Variants in GOLM1 observed in about 807,000 individuals in gnomAD.
GOLM1 encodes the protein epididymis luminal protein 46.
In GOLM1, 31 loss-of-function variants were observed where a neutral mutation model predicts 50.5. The ratio of observed to expected loss-of-function variants is 0.61; its 90% CI spans 0.46 to 0.83. The LOEUF (loss-of-function observed/expected upper bound fraction) is 0.83. GOLM1 is among the 40% of genes least tolerant of loss of function. GOLM1 has a pLI of 0.00. For synonymous variants in GOLM1, 178 were observed against 192.8 expected (o/e 0.92, Z 0.64); for missense variants, 491 against 501.3 (o/e 0.98, Z 0.20).
At position 86,027,027 on chromosome 9, in the gene GOLM1, CTGTT is replaced by C. The variant is rs952020757; in HGVS notation, c.*786_*789del. The C allele has an allele frequency of 4.1e-6, 4 of 985,200 alleles. No homozygotes were observed. The highest frequency in any genetic ancestry group is 3.6e-6 in the Non-Finnish European group (3 of 829,936). The allele number at this position is 985,200 out of a possible 1,614,324, so 61.0% of individuals were successfully genotyped here. Reference sequence around the variant, plus strand: ...TGCTCCAGGTCAGCCCCCTTTTGGCCTGTTTGTTTTGTCAAAAACCTAATCTGCT... The same window carrying C: ...TGCTCCAGGTCAGCCCCCTTTTGGCCTGTTTTGTCAAAAACCTAATCTGCT... On this transcript the variant is annotated 3_prime_UTR_variant, in exon 10 of 10. Coordinates refer to ENST00000388712, the MANE Select transcript of GOLM1 (RefSeq NM_016548.4).
chr9:86,053,895 C>T (rs1238408529), intron 3 of GOLM1, among the ~76,000 whole-genome samples: 1 of 151,848 alleles, frequency 6.6e-6, no homozygotes, highest in Non-Finnish European at 1.5e-5. Context: ...CTGCACCACT[C>T]CACTCCACAC....
chr9:86,053,556 T>TCCACACCAAACCACACACAACCACTCC, intron 3 of GOLM1, among the ~76,000 whole-genome samples: 1 of 376 alleles, frequency 2.7e-3, no homozygotes, highest in African/African-American at 6.3e-3. Context: ...AAACACACAC[T>TCCACACCAAACCACACACAACCACTCC]ACACACACAC....
intron 1 of GOLM1, among the ~76,000 whole-genome samples, chr9:86,089,505 T>C (rs1369042634): frequency 2.0e-5 from 3 of 152,176 alleles, no homozygotes; most frequent in African/African-American, 4.8e-5. Flanking sequence ...TTTCATTAAG[T>C]TGATCTTCGA....
rs1371453756 is a variant in GOLM1, at chr9:86,035,876, AACAAAAC to A, written c.758-258_758-252del. 1.9e-4 allele frequency among the ~76,000 whole-genome samples: 24 copies of A among 127,804 alleles called. 2 individuals carry two copies. Among genetic ancestry groups the A allele is most frequent in the East Asian group, 1.0e-3 (5 of 4,792 alleles). 83.8% of individuals were successfully genotyped at this position (127,804 alleles called of 152,430 possible). On this transcript the variant is annotated intron_variant, in intron 7 of 9. Transcript: ENST00000388712. ...GGAAAAGTAGCTTACCAAAAAAAAA[AACAAAAC>A]AAAAAAAAAAAAACACCTGGACTAA... is the stretch of plus-strand genomic sequence containing the variant.
chr9:86,052,504 A>C (rs1168123568), intron 4 of GOLM1, 33 bp downstream of exon 4: 2 of 1,601,182 alleles, frequency 1.2e-6, no homozygotes, highest in Admixed American at 1.7e-5. Flanking sequence ...CTCAAAGGCC[A>C]GTGCCTGGTG....
chr9:86,035,094 A>G, intron 8 of GOLM1: 1 of 985,250 alleles, frequency 1.0e-6, no homozygotes, highest in Non-Finnish European at 1.2e-6. Context: ...ACTTGATGCT[A>G]AGCACCCATC....
rs1449030168 is a variant in GOLM1 at position 86,026,411 on chromosome 9, G to GCAAA, written c.*1402_*1405dup. Reference sequence around the variant, plus strand: ...TAAGTTGGAGGTGGCAACGTGAATTGCAAACAGGGCCTGCTTCAGTGACTG... The same window carrying GCAAA: ...TAAGTTGGAGGTGGCAACGTGAATTGCAAACAAACAGGGCCTGCTTCAGTGACTG... On this transcript the variant is annotated 3_prime_UTR_variant, in exon 10 of 10. Transcript: ENST00000388712. The GCAAA allele has an allele frequency of 1.4e-5, 14 of 985,310 alleles. No individual in the cohort carries two copies. The highest frequency in any genetic ancestry group is 2.3e-4 in the East Asian group (2 of 8,800). The allele number at this position is 985,310 out of a possible 1,614,324, so 61.0% of individuals were successfully genotyped here.
At chr9:86,073,881 T>C (rs1834528148) in intron 3 of GOLM1, among the ~76,000 whole-genome samples, 1 of 152,226 alleles carries the variant, frequency 6.6e-6, no homozygotes, top group African/African-American at 2.4e-5. Flanking sequence ...ACTATAAACA[T>C]TTCTGCCATC....
chr9:86,092,192 C>T (rs1237322701), intron 1 of GOLM1, among the ~76,000 whole-genome samples: 1 of 152,228 alleles, frequency 6.6e-6, no homozygotes, highest in South Asian at 2.1e-4. Flanking sequence ...GTGAGAAGCG[C>T]TTAGAGCTAC....
chr9:86,067,950 G>A (rs1055044958), intron 3 of GOLM1, among the ~76,000 whole-genome samples: 4 of 152,034 alleles, frequency 2.6e-5, no homozygotes, highest in African/African-American at 9.7e-5. Context: ...AGGTTGCAGC[G>A]AACCAAGATC....
intron 1 of GOLM1, among the ~76,000 whole-genome samples, chr9:86,092,213 T>C (rs995151536): frequency 7.2e-5 from 11 of 152,244 alleles, no homozygotes; most frequent in African/African-American, 1.9e-4. Context: ...ATTTGGCACA[T>C]AGTAATTGCT....
intron 6 of GOLM1, among the ~76,000 whole-genome samples, chr9:86,037,697 T>G (rs954257289): frequency 6.6e-6 from 1 of 152,090 alleles, no homozygotes; most frequent in African/African-American, 2.4e-5. Flanking sequence ...AGAGTGTAAA[T>G]CACTGTCCTT....
chr9:86,068,358 A>G (rs755701598), intron 3 of GOLM1, among the ~76,000 whole-genome samples: 96 of 152,230 alleles, frequency 6.3e-4, no homozygotes, highest in Non-Finnish European at 1.8e-4. Context: ...TCTAGTCTGT[A>G]TTAATTTGTA....
At chr9:86,045,622 C>T (rs1392646428) in intron 5 of GOLM1, among the ~76,000 whole-genome samples, 1 of 150,126 alleles carries the variant, frequency 6.7e-6, no homozygotes, top group Non-Finnish European at 1.5e-5. Context: ...TTGCAGTGAG[C>T]TGAGATTGTG....
intron 7 of GOLM1, 66 bp downstream of exon 7, chr9:86,036,282 T>C: frequency 6.5e-7 from 1 of 1,541,102 alleles, no homozygotes; most frequent in South Asian, 1.1e-5. Context: ...AGCAGCTCGC[T>C]GGGACTGCTT....
At chr9:86,082,581 C>T (rs1834819109) in intron 1 of GOLM1, among the ~76,000 whole-genome samples, 2 of 152,116 alleles carry the variant, frequency 1.3e-5, no homozygotes, top group African/African-American at 4.8e-5. Flanking sequence ...GCTGGGACTA[C>T]AGGTGTGTGC....
At chr9:86,077,925 T>C (rs1322896741) in intron 2 of GOLM1, 4 of 266,228 alleles carry the variant, frequency 1.5e-5, no homozygotes, top group African/African-American at 4.4e-5. Flanking sequence ...TCTTCTTCGC[T>C]GCTAACAAAG....
At chr9:86,091,440 C>G (rs1438076618) in intron 1 of GOLM1, among the ~76,000 whole-genome samples, 1 of 152,066 alleles carries the variant, frequency 6.6e-6, no homozygotes, top group Non-Finnish European at 1.5e-5. Flanking sequence ...TAAGGAAATA[C>G]AAAGAATGCA....
intron 6 of GOLM1, among the ~76,000 whole-genome samples, chr9:86,037,229 A>G (rs1833174830): frequency 6.6e-6 from 1 of 152,216 alleles, no homozygotes; most frequent in African/African-American, 2.4e-5. Flanking sequence ...AGCCTTGCCA[A>G]CATGGTGAAA....
Sources: allele counts gnomAD v4.1 joint callset (sites outside exome capture counted in the v4.1 genomes callset), GRCh38; gene constraint gnomAD v4.1.1; transcripts MANE v1.5; gene names NCBI Gene and HGNC (gene_info 2026-07-23, HGNC 2026-07-21).